ERBB4: variants seen among roughly 807,000 people sequenced by gnomAD.
ERBB4 encodes the protein erb-b2 receptor tyrosine kinase 4.
In ERBB4, 42 loss-of-function variants were observed where a neutral mutation model predicts 158.0. The ratio of observed to expected loss-of-function variants is 0.27; its 90% CI spans 0.21 to 0.34. The LOEUF is 0.34. Among genes scored for constraint, ERBB4 ranks in the 10% least tolerant of loss-of-function variants. The pLI, the probability that ERBB4 is intolerant of heterozygous loss-of-function variation, is 1.00. For synonymous variants in ERBB4, 583 were observed against 558.7 expected (o/e 1.04, Z -0.61); for missense variants, 1,333 against 1,624.1 (o/e 0.82, Z 3.08).
At chr2:212,464,121 T>C (rs1416409530) in intron 1 of ERBB4, among the ~76,000 whole-genome samples, 1 of 152,140 alleles carries the variant, frequency 6.6e-6, no homozygotes, top group African/African-American at 2.4e-5. Context: ...CTCAAAATAA[T>C]GACTTTCCTT....
chr2:212,206,626 T>C (rs922957995), intron 1 of ERBB4, among the ~76,000 whole-genome samples: 22 of 146,702 alleles, frequency 1.5e-4, no homozygotes, highest in Non-Finnish European at 2.1e-4. Context: ...CTCGCTCTTT[T>C]GCCCAGGCCA....
chr2:211,842,496 A>T (rs1242605900), intron 3 of ERBB4, among the ~76,000 whole-genome samples: 1 of 151,884 alleles, frequency 6.6e-6, no homozygotes, highest in East Asian at 1.9e-4. Context: ...AGGTAGTCTC[A>T]AATAACACAT....
At chr2:212,021,388 A>C (rs1437923248) in intron 2 of ERBB4, among the ~76,000 whole-genome samples, 1 of 152,166 alleles carries the variant, frequency 6.6e-6, no homozygotes, top group Non-Finnish European at 1.5e-5. Context: ...GACCAATGGA[A>C]CAGAATAGAG....
rs933684000 is a variant in ERBB4 at position 212,387,726 on chromosome 2, C to T, written c.82+150723G>A. Among the ~76,000 whole-genome samples the T allele has an allele frequency of 4.6e-5, 7 of 152,062 alleles. No individual in the cohort carries two copies. The East Asian group carries it at 1.4e-3, about 30-fold the overall frequency. Reference sequence around the variant, plus strand: ...GGCCACCATGCCCTGCAAATTAGAACACATTTGAATCTTGAACATTTTGAA... The same window carrying T: ...GGCCACCATGCCCTGCAAATTAGAATACATTTGAATCTTGAACATTTTGAA... On this transcript the variant is annotated intron_variant, in intron 1 of 27. Transcript: ENST00000342788.
rs191069763 is a variant in ERBB4 at position 211,703,415 on chromosome 2, A to G, written c.1289+689T>C. Among the ~76,000 whole-genome samples, 3 of 152,320 alleles carry G rather than the reference A, an allele frequency of 2.0e-5. No individual in the cohort carries two copies. In the East Asian group the frequency reaches 5.8e-4, roughly 29 times the overall value. ...GTGAAATTCGATGTACTTTTTATAA[A>G]ACATTATTAGAAAATCAATGATGAT... is the stretch of plus-strand genomic sequence containing the variant. On this transcript the variant is annotated intron_variant, in intron 11 of 27. Transcript: ENST00000342788.
intron 1 of ERBB4, among the ~76,000 whole-genome samples, chr2:212,420,254 C>T (rs2091762829): frequency 6.6e-6 from 1 of 151,934 alleles, no homozygotes; most frequent in South Asian, 2.1e-4. Context: ...GAAGTAAATT[C>T]AAGACTGCAC....
intron 20 of ERBB4, among the ~76,000 whole-genome samples, chr2:211,503,809 G>C (rs1391206404): frequency 6.6e-6 from 1 of 152,058 alleles, no homozygotes; most frequent in East Asian, 1.9e-4. Context: ...TTCCTCCTCT[G>C]CCTGGAGGGT....
rs142364422 is a variant in ERBB4 at position 211,789,175 on chromosome 2, C to G, written c.422-1016G>C. Among the ~76,000 whole-genome samples the G allele has an allele frequency of 8.7e-3, 1,326 of 152,204 alleles. 18 individuals are homozygous for G. Among genetic ancestry groups the G allele is most frequent in the African/African-American group, 0.026 (1,082 of 41,520 alleles). Reference sequence around the variant, plus strand: ...CCAGCCCAATATGTACCACATTTCCCCTTCCTGTTCAATACAAAAGCAATT... The same window carrying G: ...CCAGCCCAATATGTACCACATTTCCGCTTCCTGTTCAATACAAAAGCAATT... On this transcript the variant is annotated intron_variant, in intron 3 of 27. Transcript: ENST00000342788.
intron 16 of ERBB4, among the ~76,000 whole-genome samples, chr2:211,646,951 G>C (rs1389113718): frequency 1.3e-5 from 2 of 151,498 alleles, no homozygotes; most frequent in Non-Finnish European, 1.5e-5. Context: ...TTTATATTTG[G>C]ATTTAATATT....
intron 17 of ERBB4, among the ~76,000 whole-genome samples, chr2:211,628,595 G>A (rs1418655961): frequency 6.6e-6 from 1 of 152,184 alleles, no homozygotes; most frequent in Non-Finnish European, 1.5e-5. Flanking sequence ...TTGGTTCCAA[G>A]TCTTTGCTAT....
intron 12 of ERBB4, among the ~76,000 whole-genome samples, chr2:211,698,149 T>G (rs899280975): frequency 6.6e-6 from 1 of 151,930 alleles, no homozygotes; most frequent in Non-Finnish European, 1.5e-5. Flanking sequence ...AAACCCCGTC[T>G]CTACTAAAAA....
chr2:212,381,875 A>G (rs962646160), intron 1 of ERBB4, among the ~76,000 whole-genome samples: 73 of 151,498 alleles, frequency 4.8e-4, no homozygotes, highest in African/African-American at 1.6e-3. Flanking sequence ...GTTTTTATAT[A>G]TTATAACTTT....
chr2:212,416,017 G>A (rs921240196), intron 1 of ERBB4, among the ~76,000 whole-genome samples: 5 of 152,096 alleles, frequency 3.3e-5, no homozygotes, highest in East Asian at 3.8e-4. Context: ...AACAAAGCAC[G>A]AATCTCTTCT....
chr2:211,832,343 T>A (rs2077240533), intron 3 of ERBB4, among the ~76,000 whole-genome samples: 1 of 152,096 alleles, frequency 6.6e-6, no homozygotes, highest in African/African-American at 2.4e-5. Context: ...AAGATACGTT[T>A]AGAGCATAGC....
chr2:212,197,557 A>T (rs1236599741), intron 1 of ERBB4, among the ~76,000 whole-genome samples: 1 of 152,158 alleles, frequency 6.6e-6, no homozygotes, highest in Non-Finnish European at 1.5e-5. Flanking sequence ...TAAATACAGA[A>T]CTATGTTATT....
intron 1 of ERBB4, among the ~76,000 whole-genome samples, chr2:212,517,419 T>C (rs548309812): frequency 6.6e-6 from 1 of 152,198 alleles, no homozygotes; most frequent in East Asian, 1.9e-4. Flanking sequence ...GAAAATTATA[T>C]AGAATTAAGG....
At chr2:211,713,851 G>C (rs1013110733) in intron 7 of ERBB4, among the ~76,000 whole-genome samples, 12 of 152,166 alleles carry the variant, frequency 7.9e-5, no homozygotes, top group African/African-American at 2.9e-4. Flanking sequence ...ACAACAACTA[G>C]TACTTGCTTG....
chr2:211,636,369 C>T lies in ERBB4; in HGVS notation c.1947-5775G>A, dbSNP rs537544711. 3.3e-5 allele frequency among the ~76,000 whole-genome samples: 5 copies of T among 152,022 alleles called. No individual in the cohort carries two copies. The East Asian group carries it at 9.7e-4, about 29-fold the overall frequency. On this transcript the variant is annotated intron_variant, in intron 16 of 27. Transcript: ENST00000342788. ...CTTCTAACCAATTGTGAGTTTACTG[C>T]CTCTATCAAATAGCTTAAATATACA...
chr2:212,469,919 T>C (rs969354068), intron 1 of ERBB4, among the ~76,000 whole-genome samples: 1 of 152,178 alleles, frequency 6.6e-6, no homozygotes, highest in African/African-American at 2.4e-5. Flanking sequence ...CAGTTATCTT[T>C]AGCTCTTTAG....
Sources: allele counts gnomAD v4.1 joint callset (sites outside exome capture counted in the v4.1 genomes callset), GRCh38; gene constraint gnomAD v4.1.1; transcripts MANE v1.5; gene names NCBI Gene and HGNC (gene_info 2026-07-23, HGNC 2026-07-21).